Variants in TMEM145 observed in about 807,000 individuals in gnomAD.
TMEM145 encodes the protein transmembrane protein 145.
In TMEM145, 46 loss-of-function variants were observed where a neutral mutation model predicts 68.5. That is an observed-to-expected ratio of 0.67 (90% CI 0.53 to 0.86). TMEM145 has a LOEUF of 0.86. Among genes scored for constraint, TMEM145 ranks in the 40% least tolerant of loss-of-function variants. The probability of loss-of-function intolerance (pLI) is 0.00; values close to 1 mark genes in which losing one functional copy is unlikely to be tolerated. For missense variants in TMEM145, 570 were observed against 645.8 expected (o/e 0.88, Z 1.27); for synonymous variants, 255 against 280.2 (o/e 0.91, Z 0.90).
At chr19:42,320,659 A>G (rs1203735586) in intron 13 of TMEM145, among the ~76,000 whole-genome samples, 1 of 148,800 alleles carries the variant, frequency 6.7e-6, no homozygotes, top group Non-Finnish European at 1.5e-5. Context: ...ACAGAGTCTC[A>G]CTCTGTCTCC....
chr19:42,323,847 A>G (rs2038936815), intron 14 of TMEM145, 58 bp downstream of exon 14: 1 of 1,511,988 alleles, frequency 6.6e-7, no homozygotes, highest in Non-Finnish European at 9.1e-7. Flanking sequence ...GGAGTACCTG[A>G]CCCCGCTCCC....
In TMEM145 at chr19:42,314,645, G is replaced by A. The variant is rs371980606; in HGVS notation, c.306G>A (p.Pro102=). The A allele has an allele frequency of 1.6e-5, 26 of 1,614,066 alleles. No individual in the cohort carries two copies. The highest frequency in any genetic ancestry group is 1.6e-4 in the African/African-American group (12 of 74,926). ...TGGCCAAGGAGTCAGTGATCCGGCC[G>A]GAGAACAACCAGGTCATCAACCTCA... is the stretch of plus-strand genomic sequence containing the variant. ...DCLAKESVIR[P]ENNQVINLTT... The change falls in exon 4 of 15, where the codon CCG becomes CCA. Residue 102 remains proline, a synonymous_variant. Coordinates refer to ENST00000301204, the MANE Select transcript of TMEM145 (RefSeq NM_173633.3).
At chr19:42,317,547 C>T (rs138303569) in intron 11 of TMEM145, among the ~76,000 whole-genome samples, 162 bp from the exon 12 acceptor site, 1 of 151,898 alleles carries the variant, frequency 6.6e-6, no homozygotes, top group African/African-American at 2.4e-5. Context: ...TCTTTTTCAC[C>T]CTCTCTCTCT....
rs2038827666 is a variant in TMEM145, at chr19:42,313,886, G to A, written c.121-386G>A. On this transcript the variant is annotated intron_variant, in intron 1 of 14. Coordinates refer to ENST00000301204, the MANE Select transcript of TMEM145 (RefSeq NM_173633.3). The surrounding 1 kb of genome is among the most constrained non-coding windows in gnomAD (Gnocchi z 5.1). ...GGCCGTTTGGAAGATTCCCCCGCGC[G>A]GGATGGTCTTTGGGAGCACGGGGTG... is the stretch of plus-strand genomic sequence containing the variant. 6.6e-6 allele frequency among the ~76,000 whole-genome samples: 1 copy of A among 152,106 alleles called. No homozygotes were observed.
chr19:42,316,413 A>G, intron 8 of TMEM145, 68 bp from the exon 9 acceptor site: 1 of 1,434,226 alleles, frequency 7.0e-7, no homozygotes, highest in Admixed American at 1.7e-5. Context: ...CCTGGATGGT[A>G]GTGCTAGAGA....
intron 7 of TMEM145, 51 bp downstream of exon 7, chr19:42,315,310 G>C (rs369814119): frequency 3.7e-6 from 6 of 1,613,818 alleles, no homozygotes; most frequent in Non-Finnish European, 5.1e-6. Flanking sequence ...GAGCAGGGTT[G>C]GGGGAGGTGA....
Position 42,313,340 on chromosome 19 carries a change from C to A in TMEM145, c.-37C>A. 1.1e-6 allele frequency: 1 copy of A among 870,784 alleles called. No homozygotes were observed. Among genetic ancestry groups the A allele is most frequent in the Non-Finnish European group, 1.5e-6 (1 of 657,130 alleles). The allele number at this position is 870,784 out of a possible 1,614,324, so 53.9% of individuals were successfully genotyped here. A position where few individuals can be genotyped will look rare whatever the true frequency, so the allele number is the denominator to read the frequency against. ...TCTCGCCTCCATTGCCGGGCCAGTG[C>A]GGGAGCCGGAGCGGAGCCGGGGCCG... On this transcript the variant is annotated 5_prime_UTR_variant, in exon 1 of 15. Transcript: ENST00000301204. This position sits in a 1 kb window ranked among gnomAD's most constrained non-coding sequence, Gnocchi z 5.1.
At chr19:42,320,721 G>A (rs1164649898) in intron 13 of TMEM145, among the ~76,000 whole-genome samples, 5 of 151,442 alleles carry the variant, frequency 3.3e-5, no homozygotes, top group East Asian at 3.9e-4. Flanking sequence ...TCCGCCTCCC[G>A]GGTTCAAGTG....
chr19:42,320,250 G>T, intron 12 of TMEM145, 67 bp from the exon 13 acceptor site: 1 of 1,599,958 alleles, frequency 6.3e-7, no homozygotes. Flanking sequence ...TGGCAGGCGA[G>T]GTGGGGCTAT....
intron 1 of TMEM145, 29 bp from the exon 2 acceptor site, chr19:42,314,243 C>A: frequency 1.2e-6 from 2 of 1,612,540 alleles, no homozygotes; most frequent in South Asian, 1.1e-5. Flanking sequence ...AAGGACTCAG[C>A]GGAGGGTCAG....
Position 42,315,008 on chromosome 19 carries a change from C to T in TMEM145, c.436C>T (p.Leu146=), listed in dbSNP as rs745581482. The T allele has an allele frequency of 1.2e-6, 2 of 1,614,016 alleles. No homozygotes were observed. Among genetic ancestry groups the T allele is most frequent in the South Asian group, 1.1e-5 (1 of 91,080 alleles). Reference sequence around the variant, plus strand: ...CCCCCCACAGGGTGATGGATTGCAGCTGGAGTATGAGATGGTCCTCACCAA... The same window carrying T: ...CCCCCCACAGGGTGATGGATTGCAGTTGGAGTATGAGATGGTCCTCACCAA... The part of the protein sequence containing the change: ...RSFRSGDGLQ[L]EYEMVLTNGK... The change falls in exon 6 of 15, where the codon CTG becomes TTG. Residue 146 remains leucine, a synonymous_variant. Coordinates refer to ENST00000301204, the MANE Select transcript of TMEM145 (RefSeq NM_173633.3).
At position 42,320,401 on chromosome 19, in the gene TMEM145, G is replaced by A. The variant is rs781272242; in HGVS notation, c.1158G>A (p.Gln386=). The A allele has an allele frequency of 6.2e-6, 10 of 1,614,156 alleles. No individual in the cohort carries two copies. The South Asian group carries it at 9.9e-5, about 16-fold the overall frequency. ...WAREKIVNGI[Q]LGIHLYAHGV... ...GGGAGAAGATTGTCAATGGCATCCA[G>A]CTGGGGATCCACTTGTACGCCCATG... The change falls in exon 13 of 15, where the codon CAG becomes CAA. Residue 386 remains glutamine, a synonymous_variant. Transcript: ENST00000301204.
chr19:42,323,954 G>A (rs1158754728), intron 14 of TMEM145, among the ~76,000 whole-genome samples, 165 bp downstream of exon 14: 1 of 151,032 alleles, frequency 6.6e-6, no homozygotes, highest in East Asian at 2.0e-4. Context: ...GTCCCCTGGC[G>A]CCCGCGCCCA....
Position 42,316,722 on chromosome 19 carries a change from A to C in TMEM145, c.788A>C (p.Lys263Thr). The C allele has an allele frequency of 3.9e-6, 6 of 1,534,428 alleles. No individual in the cohort carries two copies. Among genetic ancestry groups the C allele is most frequent in the Non-Finnish European group, 5.3e-6 (6 of 1,131,884 alleles). Residue 263 changes from lysine (K) to threonine (T), a missense_variant, in exon 10 of 15, where the codon AAG becomes ACG. By Grantham distance (78) the Lys-to-Thr change is moderately conservative. Coordinates refer to ENST00000301204, the MANE Select transcript of TMEM145 (RefSeq NM_173633.3). ...IFLLMLILLGKGFTVTRGRIS... is the reference protein window; with the variant it reads ...IFLLMLILLGTGFTVTRGRIS... ...CTGCTGATGCTTATCCTCCTGGGGA[A>C]GGGATTCACGGTGACACGGTGCCCG...
In TMEM145 at chr19:42,324,824, T is replaced by C; in HGVS notation, c.*7T>C. The C allele has an allele frequency of 6.4e-7, 1 of 1,557,340 alleles. No homozygotes were observed. The highest frequency in any genetic ancestry group is 1.2e-5 in the South Asian group (1 of 84,856). ...CCCCCTTCGAGACCTCTGACCCCGC[T>C]GGACTCCGGAACACCCGTGGTGACC... On this transcript the variant is annotated 3_prime_UTR_variant, in exon 15 of 15. Transcript: ENST00000301204.
At position 42,315,189 on chromosome 19, in the gene TMEM145, G is replaced by T. The variant is rs200382816; in HGVS notation, c.507G>T (p.Gly169=). The T allele has an allele frequency of 6.3e-5, 101 of 1,610,850 alleles. 1 individual carries two copies. In the East Asian group the frequency reaches 2.1e-3, roughly 34 times the overall value. Residue 169 remains glycine, a splice_region_variant and synonymous_variant, in exon 7 of 15, where the codon GGG becomes GGT. Coordinates refer to ENST00000301204, the MANE Select transcript of TMEM145 (RefSeq NM_173633.3). ...TTACTCCTCCTACCAAATCGGCAGG[G>T]ATCCTGGAGACAGATGTGACCTTCC... ...WTRHFSADEF[G]ILETDVTFLL... is the part of the protein sequence containing the mutation.
In TMEM145 at chr19:42,318,367, CA is replaced by C. The variant is rs112206821; in HGVS notation, c.1073+504del. On this transcript the variant is annotated intron_variant, in intron 12 of 14. Transcript: ENST00000301204. ...TGGGCCACAGAGCAAGACTCCATCT[CA>C]AAAAAAAAAAAAAAAAACCAAACAG... is the stretch of plus-strand genomic sequence containing the variant. Among the ~76,000 whole-genome samples, 443 of 66,856 alleles carry C rather than the reference CA, an allele frequency of 6.6e-3. 1 individual carries two copies. Among genetic ancestry groups the C allele is most frequent in the African/African-American group, 0.017 (302 of 17,738 alleles). 43.9% of individuals were successfully genotyped at this position (66,856 alleles called of 152,430 possible). A position where few individuals can be genotyped will look rare whatever the true frequency, so the allele number is the denominator to read the frequency against.
chr19:42,325,023 C>G lies in TMEM145; in HGVS notation c.*206C>G. The G allele has an allele frequency of 1.4e-6, 1 of 733,612 alleles. No homozygotes were observed. The highest frequency in any genetic ancestry group is 1.9e-6 in the Non-Finnish European group (1 of 525,904). The allele number at this position is 733,612 out of a possible 1,614,324, so 45.4% of individuals were successfully genotyped here. A position where few individuals can be genotyped will look rare whatever the true frequency, so the allele number is the denominator to read the frequency against. On this transcript the variant is annotated 3_prime_UTR_variant, in exon 15 of 15. Transcript: ENST00000301204. ...GGTCCCTGGCAGAAAGACATTTTAC[C>G]CCTTCTTGCCAAAATAAAAAAGGAT... is the stretch of plus-strand genomic sequence containing the variant.
chr19:42,317,189 T>G (rs1026368987), intron 11 of TMEM145, among the ~76,000 whole-genome samples: 5 of 152,190 alleles, frequency 3.3e-5, no homozygotes, highest in African/African-American at 1.2e-4. Flanking sequence ...TCTGTCACAT[T>G]TGTGCTCAAT....
Sources: allele counts gnomAD v4.1 joint callset (sites outside exome capture counted in the v4.1 genomes callset), GRCh38; gene constraint gnomAD v4.1.1; non-coding constraint Gnocchi (gnomAD v3.1); transcripts MANE v1.5; gene names NCBI Gene and HGNC (gene_info 2026-07-23, HGNC 2026-07-21).